COL4A2: variants seen among roughly 807,000 people sequenced by gnomAD.
COL4A2 encodes the protein collagen alpha-2(IV) chain.
In COL4A2, 99 loss-of-function variants were observed where a neutral mutation model predicts 200.2. That is an observed-to-expected ratio of 0.49 (90% CI 0.42 to 0.58). The LOEUF (loss-of-function observed/expected upper bound fraction) is 0.58, where lower values mean the gene tolerates loss of function less well. Among genes scored for constraint, COL4A2 ranks in the 20% least tolerant of loss-of-function variants. The pLI is 0.00. For missense variants in COL4A2, 1,950 were observed against 2,314.1 expected (o/e 0.84, Z 3.23); for synonymous variants, 897 against 900.6 (o/e 1.00, Z 0.07).
chr13:110,485,348 C>T lies in COL4A2; in HGVS notation c.3026-307C>T, dbSNP rs186867428. ...ACCATCCTGGCTAACACGGTGAAAC[C>T]CCGTCTCTACTAAAAATACAAAAAA... is the stretch of plus-strand genomic sequence containing the variant. On this transcript the variant is annotated intron_variant, in intron 33 of 47. Coordinates refer to ENST00000360467, the MANE Select transcript of COL4A2 (RefSeq NM_001846.4). Among the ~76,000 whole-genome samples the T allele has an allele frequency of 7.2e-5, 11 of 152,022 alleles. No homozygotes were observed. In the East Asian group the frequency reaches 2.1e-3, roughly 29 times the overall value.
chr13:110,488,421 C>G (rs1258250132), intron 34 of COL4A2, among the ~76,000 whole-genome samples: 1 of 152,222 alleles, frequency 6.6e-6, no homozygotes, highest in African/African-American at 2.4e-5. Flanking sequence ...GACCAGAACT[C>G]TCATGCTCCC....
rs576456957 is a variant in COL4A2 at position 110,333,238 on chromosome 13, CTCA to C, written c.100-24227_100-24225del. Among the ~76,000 whole-genome samples, 95 of 152,324 alleles carry C rather than the reference CTCA, an allele frequency of 6.2e-4. No individual in the cohort carries two copies. In the East Asian group the frequency reaches 0.017, roughly 27 times the overall value. On this transcript the variant is annotated intron_variant, in intron 3 of 47. Coordinates refer to ENST00000360467, the MANE Select transcript of COL4A2 (RefSeq NM_001846.4). ...ATGCTGCCTGCCTCGAGGTGTACCT[CTCA>C]TCATCACAGAAGGACCACCGCTTAC...
chr13:110,323,305 G>A (rs1287623270), intron 3 of COL4A2, among the ~76,000 whole-genome samples: 1 of 152,204 alleles, frequency 6.6e-6, no homozygotes, highest in African/African-American at 2.4e-5. Flanking sequence ...TGGTCAGGGA[G>A]CTCTAACCAG....
In COL4A2 at chr13:110,428,602, C is replaced by T; in HGVS notation, c.477+19C>T. On this transcript the variant is annotated intron_variant, in intron 7 of 47. Transcript: ENST00000360467. ...GCCTCCCGTGAGTATCCCCACAGCG[C>T]CTGTGCTCCAGGGACGGGCAGACCC... 7.0e-7 allele frequency: 1 copy of T among 1,422,018 alleles called. No individual in the cohort carries two copies. The highest frequency in any genetic ancestry group is 1.4e-5 in the South Asian group (1 of 72,806). The allele number at this position is 1,422,018 out of a possible 1,614,324, so 88.1% of individuals were successfully genotyped here.
intron 4 of COL4A2, among the ~76,000 whole-genome samples, chr13:110,375,439 C>T (rs1278629448): frequency 1.3e-5 from 2 of 152,178 alleles, no homozygotes; most frequent in Non-Finnish European, 2.9e-5. Flanking sequence ...GTCAGTTGGG[C>T]ATTGCAGGGA....
At chr13:110,390,779 C>T (rs1016278554) in intron 4 of COL4A2, among the ~76,000 whole-genome samples, 4 of 150,326 alleles carry the variant, frequency 2.7e-5, no homozygotes, top group Non-Finnish European at 5.9e-5. Flanking sequence ...GGGCAGCCTG[C>T]GGTTACACTT....
chr13:110,388,766 C>A (rs902005313), intron 4 of COL4A2, among the ~76,000 whole-genome samples: 2 of 152,218 alleles, frequency 1.3e-5, no homozygotes, highest in African/African-American at 4.8e-5. Flanking sequence ...AGAATTTGTG[C>A]ATGATAAACT....
At chr13:110,464,704 C>G (rs1882163425) in intron 24 of COL4A2, among the ~76,000 whole-genome samples, 1 of 152,206 alleles carries the variant, frequency 6.6e-6, no homozygotes, top group Non-Finnish European at 1.5e-5. Flanking sequence ...AACACCCAGC[C>G]TCGTCCCGTG....
chr13:110,307,760 G>A lies in COL4A2; in HGVS notation c.-44-100G>A. On this transcript the variant is annotated intron_variant, in intron 1 of 47. Transcript: ENST00000360467. The surrounding 1 kb of genome is among the most constrained non-coding windows in gnomAD (Gnocchi z 5.0). ...CTCCGGTCACCCCTGCATGCGGGCC[G>A]CGCACCGCGCTGTCCCCGCGTCTCG... The A allele has an allele frequency of 6.0e-6, 7 of 1,157,232 alleles. No individual in the cohort carries two copies. Among genetic ancestry groups the A allele is most frequent in the Non-Finnish European group, 6.0e-6 (5 of 834,558 alleles). 71.7% of individuals were successfully genotyped at this position (1,157,232 alleles called of 1,614,324 possible).
chr13:110,452,752 T>C (rs187121220), intron 20 of COL4A2, among the ~76,000 whole-genome samples: 44 of 149,946 alleles, frequency 2.9e-4, no homozygotes, highest in Non-Finnish European at 2.8e-4. Flanking sequence ...GTGTGAACTT[T>C]ATTTTTTTAT....
intron 3 of COL4A2, among the ~76,000 whole-genome samples, chr13:110,344,679 G>A (rs531070286): frequency 2.6e-5 from 4 of 152,176 alleles, no homozygotes; most frequent in Admixed American, 6.5e-5. Flanking sequence ...CTCTTGCCTC[G>A]CTCAGGCCAC....
In COL4A2 at chr13:110,508,010, A is replaced by G; in HGVS notation, c.4670A>G (p.Tyr1557Cys). ...TGCAACCCTGGTGATGTCTGCTACT[A>G]TGCCAGCCGGAACGACAAGTCCTAC... ...LYCNPGDVCY[Y>C]ASRNDKSYWL... Residue 1557 changes from tyrosine (Y) to cysteine (C), a missense_variant, in exon 47 of 48, where the codon TAT (tyrosine) becomes TGT (cysteine). Physicochemically the swap from Tyr to Cys is radical, Grantham distance 194. Around this residue, in one of 2 missense-constraint regions of COL4A2, gnomAD observed 1,385 missense variants for 1,720.5 expected, o/e 0.80. Coordinates refer to ENST00000360467, the MANE Select transcript of COL4A2 (RefSeq NM_001846.4). This position sits in a 1 kb window ranked among gnomAD's most constrained non-coding sequence, Gnocchi z 6.1. The G allele has an allele frequency of 6.2e-7, 1 of 1,614,198 alleles. No individual in the cohort carries two copies.
chr13:110,341,111 GC>G (rs1249577642), intron 3 of COL4A2: 1 of 152,226 alleles, frequency 6.6e-6, no homozygotes, highest in Non-Finnish European at 1.5e-5. Flanking sequence ...AGGGAAAGAA[GC>G]CCGCCCGCCA....
In COL4A2 at chr13:110,489,461, C is replaced by T. The variant is rs999162118; in HGVS notation, c.3224C>T (p.Pro1075Leu). Residue 1075 changes from proline (P) to leucine (L), a missense_variant, in exon 35 of 48, where the codon CCA (proline) becomes CTA (leucine). Around this residue, in one of 2 missense-constraint regions of COL4A2, gnomAD observed 1,385 missense variants for 1,720.5 expected, o/e 0.80. Transcript: ENST00000360467. ...FIGSRGDKGA[P>L]GRAGLYGEIG... Reference sequence around the variant, plus strand: ...TGTCTTTAGGGTGACAAAGGTGCCCCAGGGAGAGCAGGCCTGTATGGCGAG... The same window carrying T: ...TGTCTTTAGGGTGACAAAGGTGCCCTAGGGAGAGCAGGCCTGTATGGCGAG... The T allele has an allele frequency of 1.2e-6, 2 of 1,614,134 alleles. No individual in the cohort carries two copies. Among genetic ancestry groups the T allele is most frequent in the East Asian group, 2.2e-5 (1 of 44,884 alleles).
rs1247668069 is a variant in COL4A2, at chr13:110,430,249, A to G, written c.550-152A>G. The G allele has an allele frequency of 5.8e-6, 5 of 867,784 alleles. No homozygotes were observed. The African/African-American group carries it at 8.6e-5, about 15-fold the overall frequency. The allele number at this position is 867,784 out of a possible 1,614,324, so 53.8% of individuals were successfully genotyped here. On this transcript the variant is annotated intron_variant, in intron 8 of 47. Coordinates refer to ENST00000360467, the MANE Select transcript of COL4A2 (RefSeq NM_001846.4). ...AAATATATTCTGACTAAATAACAATATTAGTAAAAATTAATATTAGTAAAT... is the reference window on the plus strand; with the variant it reads ...AAATATATTCTGACTAAATAACAATGTTAGTAAAAATTAATATTAGTAAAT...
chr13:110,468,115 A>AT, intron 27 of COL4A2: 1 of 470,168 alleles, frequency 2.1e-6, no homozygotes, highest in South Asian at 1.5e-5. Context: ...TATGAACAGC[A>AT]ATGAGAGTTA....
chr13:110,492,851 C>G (rs1418038857), intron 38 of COL4A2, among the ~76,000 whole-genome samples: 1 of 152,182 alleles, frequency 6.6e-6, no homozygotes, highest in Non-Finnish European at 1.5e-5. Context: ...CATAAGAGTG[C>G]TTAGTTTACA....
intron 3 of COL4A2, among the ~76,000 whole-genome samples, chr13:110,333,788 G>C (rs1356791277): frequency 6.6e-6 from 1 of 152,210 alleles, no homozygotes; most frequent in African/African-American, 2.4e-5. Flanking sequence ...CTGTTTTGTT[G>C]TATAGTTATG....
chr13:110,410,882 C>A (rs1447639818), intron 4 of COL4A2, among the ~76,000 whole-genome samples: 3 of 152,134 alleles, frequency 2.0e-5, no homozygotes, highest in Non-Finnish European at 2.9e-5. Flanking sequence ...ATCTGGTACT[C>A]TTCCTTCTTG....
Sources: allele counts gnomAD v4.1 joint callset (sites outside exome capture counted in the v4.1 genomes callset), GRCh38; gene constraint gnomAD v4.1.1; regional missense constraint gnomAD v4.1.1; non-coding constraint Gnocchi (gnomAD v3.1); transcripts MANE v1.5; gene names NCBI Gene and HGNC (gene_info 2026-07-23, HGNC 2026-07-21).